The following IL1RAPL2 variants were observed in gnomAD, a reference collection of about 807,000 sequenced individuals.
The protein encoded by IL1RAPL2 is X-linked interleukin-1 receptor accessory protein-like 2.
IL1RAPL2 carries 3 observed loss-of-function variants against 44.1 expected under a neutral mutation model. That is an observed-to-expected ratio of 0.07 (90% confidence interval 0.03 to 0.18). The LOEUF (loss-of-function observed/expected upper bound fraction) is 0.18. IL1RAPL2 is among the 10% of genes least tolerant of loss of function. IL1RAPL2 has a pLI of 1.00. For synonymous variants in IL1RAPL2, 181 were observed against 178.8 expected, an observed-to-expected ratio of 1.01 and a Z score of -0.10; for missense variants, 391 against 496.4, an observed-to-expected ratio of 0.79 and a Z score of 2.02.
At chrX:105,444,924 A>G (rs1320243046) in intron 5 of IL1RAPL2, among the ~76,000 whole-genome samples, 1 of 112,059 alleles carries the variant, frequency 8.9e-6, no homozygotes, top group Non-Finnish European at 1.9e-5. Flanking sequence ...TGAGTTTGAA[A>G]GTATTCCCTT....
chrX:105,178,859 G>A (rs1368920725), intron 2 of IL1RAPL2, among the ~76,000 whole-genome samples: 2 of 111,283 alleles, frequency 1.8e-5, no homozygotes, highest in East Asian at 5.6e-4. Context: ...TTCTTACTGA[G>A]TTGTTTGAGT....
chrX:105,409,852 A>G (rs111707820), intron 5 of IL1RAPL2, among the ~76,000 whole-genome samples: 6,448 of 80,518 alleles, frequency 0.08, 500 homozygotes, highest in African/African-American at 0.24. Flanking sequence ...AGATAGACAG[A>G]CAGACAGACA....
intron 2 of IL1RAPL2, among the ~76,000 whole-genome samples, chrX:105,086,978 C>T (rs2032487818): frequency 9.1e-6 from 1 of 109,858 alleles, no homozygotes. Context: ...ACTTTATCTT[C>T]ACAATCCTAT....
chrX:105,407,412 T>C (rs1336408807), intron 5 of IL1RAPL2, among the ~76,000 whole-genome samples: 1 of 111,453 alleles, frequency 9.0e-6, no homozygotes, highest in African/African-American at 3.3e-5. Context: ...TTTGAGGATT[T>C]TAATTTATGG....
At chrX:104,796,150 T>C (rs1932848579) in intron 2 of IL1RAPL2, among the ~76,000 whole-genome samples, 1 of 112,361 alleles carries the variant, frequency 8.9e-6, no homozygotes, top group Admixed American at 9.4e-5. Context: ...TTTCACTTTT[T>C]TGTTTTATTT....
intron 2 of IL1RAPL2, among the ~76,000 whole-genome samples, chrX:104,928,221 A>G (rs1347662681): frequency 9.0e-6 from 1 of 111,628 alleles, no homozygotes; most frequent in Non-Finnish European, 1.9e-5. Context: ...TGACTATAGT[A>G]TCTCTGTTGT....
intron 2 of IL1RAPL2, among the ~76,000 whole-genome samples, chrX:105,140,628 G>A (rs2033117988): frequency 8.9e-6 from 1 of 112,312 alleles, no homozygotes; most frequent in South Asian, 3.7e-4. Flanking sequence ...GCCAATCCCA[G>A]AGTGCAAATG....
chrX:104,628,465 C>T (rs1352687556), intron 1 of IL1RAPL2, among the ~76,000 whole-genome samples: 2 of 111,379 alleles, frequency 1.8e-5, no homozygotes, highest in Non-Finnish European at 3.8e-5. Flanking sequence ...CTGTGCCTGG[C>T]TTATTTAACT....
chrX:105,069,135 C>T (rs1227606892), intron 2 of IL1RAPL2, among the ~76,000 whole-genome samples: 3 of 112,101 alleles, frequency 2.7e-5, no homozygotes, highest in South Asian at 7.4e-4. Flanking sequence ...ATTTCCTTGA[C>T]CTTTTAAACA....
At chrX:105,589,610 T>C (rs1223241017) in intron 6 of IL1RAPL2, among the ~76,000 whole-genome samples, 1 of 111,389 alleles carries the variant, frequency 9.0e-6, no homozygotes, top group East Asian at 2.8e-4. Flanking sequence ...AGCTAAGTTA[T>C]CCCAGCAGCA....
At chrX:104,949,217 T>C (rs1441067875) in intron 2 of IL1RAPL2, among the ~76,000 whole-genome samples, 1 of 109,038 alleles carries the variant, frequency 9.2e-6, no homozygotes, top group Non-Finnish European at 1.9e-5. Context: ...GAGGTGTTTG[T>C]AGTATTCTCT....
chrX:105,410,860 A>T (rs73527131), intron 5 of IL1RAPL2, among the ~76,000 whole-genome samples: 21,620 of 111,196 alleles, frequency 0.19, 5,059 homozygotes, highest in African/African-American at 0.67. Flanking sequence ...GATAATTCCA[A>T]AATCACACTC....
At position 104,680,048 on chromosome X, in the gene IL1RAPL2, A is replaced by G. The variant is rs144809302; in HGVS notation, c.82+21053A>G. ...TACACTCACAAAATCTTAATGTGTT[A>G]AGGGACCAGACAGGTTTTTCAATCC... is the stretch of plus-strand genomic sequence containing the variant. On this transcript the variant is annotated intron_variant, in intron 2 of 10. Transcript: ENST00000372582. Among the ~76,000 whole-genome samples the G allele has an allele frequency of 6.3e-3, 706 of 111,810 alleles. 2 individuals are homozygous for G. Among genetic ancestry groups the G allele is most frequent in the Non-Finnish European group, 0.01 (533 of 53,141 alleles).
chrX:104,713,722 T>A (rs1452831352), intron 2 of IL1RAPL2, among the ~76,000 whole-genome samples: 1 of 110,964 alleles, frequency 9.0e-6, no homozygotes, highest in African/African-American at 3.3e-5. Context: ...AATAGAAGTT[T>A]ACTTCTTCTG....
At chrX:104,894,152 C>T (rs770801726) in intron 2 of IL1RAPL2, among the ~76,000 whole-genome samples, 21 of 112,017 alleles carry the variant, frequency 1.9e-4, no homozygotes, top group Non-Finnish European at 3.2e-4. Context: ...CCGAGACATC[C>T]GCTATTAGTT....
At chrX:104,572,077 T>C (rs1353342718) in intron 1 of IL1RAPL2, among the ~76,000 whole-genome samples, 4 of 112,198 alleles carry the variant, frequency 3.6e-5, no homozygotes, top group Non-Finnish European at 5.6e-5. Flanking sequence ...ATTTATGTTG[T>C]GCTTGCTTTA....
At chrX:104,685,261 A>G (rs1930965451) in intron 2 of IL1RAPL2, among the ~76,000 whole-genome samples, 1 of 112,212 alleles carries the variant, frequency 8.9e-6, no homozygotes, top group African/African-American at 3.2e-5. Flanking sequence ...CAAGACTTCC[A>G]TGACTAATTG....
chrX:105,260,390 A>G (rs5962497), intron 4 of IL1RAPL2, among the ~76,000 whole-genome samples: 16,035 of 108,513 alleles, frequency 0.15, 2,155 homozygotes, highest in African/African-American at 0.43. Flanking sequence ...TGAGTAGGAA[A>G]GGGATTGGGG....
chrX:105,618,121 T>TCACACACA (rs746820303), intron 6 of IL1RAPL2, among the ~76,000 whole-genome samples: 1 of 101,224 alleles, frequency 9.9e-6, no homozygotes, highest in African/African-American at 3.6e-5. Flanking sequence ...TCTCTCTCAC[T>TCACACACA]CACACACACA....
Sources: allele counts gnomAD v4.1 joint callset (sites outside exome capture counted in the v4.1 genomes callset), GRCh38; gene constraint gnomAD v4.1.1; transcripts MANE v1.5; gene names NCBI Gene and HGNC (gene_info 2026-07-23, HGNC 2026-07-21).